The following PCBP3 variants were observed in gnomAD, a reference collection of about 807,000 sequenced individuals.
PCBP3 encodes the protein poly(rC) binding protein 3.
In PCBP3, 25 loss-of-function variants were observed where a neutral mutation model predicts 52.7. The ratio of observed to expected loss-of-function variants is 0.47; its 90% CI spans 0.35 to 0.66. The LOEUF (loss-of-function observed/expected upper bound fraction) is 0.66. Among genes scored for constraint, PCBP3 ranks in the 30% least tolerant of loss-of-function variants. The probability of loss-of-function intolerance (pLI) is 0.01; values close to 1 mark genes in which losing one functional copy is unlikely to be tolerated. For missense variants in PCBP3, 391 were observed against 490.3 expected (o/e 0.80, Z 1.91); for synonymous variants, 162 against 183.0 (o/e 0.89, Z 0.93).
chr21:45,787,004 G>A (rs1011403135), intron 4 of PCBP3, among the ~76,000 whole-genome samples: 2 of 152,184 alleles, frequency 1.3e-5, no homozygotes, highest in Admixed American at 6.5e-5. Flanking sequence ...ATTTCCAGCT[G>A]TTGACCCTTC....
At chr21:45,662,533 C>T (rs767675349) in intron 1 of PCBP3, among the ~76,000 whole-genome samples, 2 of 151,568 alleles carry the variant, frequency 1.3e-5, no homozygotes, top group Non-Finnish European at 1.5e-5. Context: ...ACTGAGGGCA[C>T]GAGCTGTTCC....
At chr21:45,795,488 A>C (rs78673990) in intron 4 of PCBP3, among the ~76,000 whole-genome samples, 2,047 of 152,290 alleles carry the variant, frequency 0.013, 65 homozygotes, top group African/African-American at 0.046. Flanking sequence ...AGCCAAAAGT[A>C]ACCCAGGCGT....
chr21:45,739,174 TCC>T (rs2086163993), intron 3 of PCBP3, among the ~76,000 whole-genome samples: 2 of 14,750 alleles, frequency 1.4e-4, no homozygotes, highest in African/African-American at 2.9e-4. Context: ...TGGGTGGCCC[TCC>T]CCCATCTTCA....
intron 2 of PCBP3, among the ~76,000 whole-genome samples, chr21:45,703,934 G>A (rs1389761107): frequency 1.3e-5 from 2 of 152,184 alleles, no homozygotes; most frequent in Non-Finnish European, 2.9e-5. Context: ...GTGGTGGATA[G>A]CAATGGAATG....
intron 2 of PCBP3, among the ~76,000 whole-genome samples, chr21:45,703,628 A>G (rs1258302674): frequency 6.6e-6 from 1 of 152,158 alleles, no homozygotes; most frequent in African/African-American, 2.4e-5. Context: ...GAGCAGAGCA[A>G]TGACATGAAT....
At chr21:45,779,639 A>G (rs9637206) in intron 4 of PCBP3, among the ~76,000 whole-genome samples, 28,658 of 152,168 alleles carry the variant, frequency 0.19, 2,903 homozygotes, top group Middle Eastern at 0.33. Flanking sequence ...AGAAATCTAA[A>G]TTGGACAAGA....
intron 6 of PCBP3, among the ~76,000 whole-genome samples, chr21:45,897,101 T>G (rs544491399): frequency 6.6e-6 from 1 of 152,346 alleles, no homozygotes; most frequent in South Asian, 2.1e-4. Flanking sequence ...TTTTTTAATC[T>G]TATTTTAAGC....
chr21:45,741,992 A>G lies in PCBP3; in HGVS notation c.-162+6563A>G, dbSNP rs181361249. On this transcript the variant is annotated intron_variant, in intron 3 of 17. Coordinates refer to ENST00000681687, the MANE Select transcript of PCBP3 (RefSeq NM_001384156.1). The surrounding 1 kb of genome is among the most constrained non-coding windows in gnomAD (Gnocchi z 4.5). ...CTTTCGTGCCCTGCTTTTTAACTGA[A>G]TAGTATTCTGCAAAGTGTTCGACCT... Among the ~76,000 whole-genome samples, 155 of 152,342 alleles carry G rather than the reference A, an allele frequency of 1.0e-3. No individual in the cohort carries two copies. Among genetic ancestry groups the G allele is most frequent in the Non-Finnish European group, 1.8e-3 (122 of 68,034 alleles).
At chr21:45,814,673 GGTGAGTGGTGA>G (rs1193475467) in intron 4 of PCBP3, among the ~76,000 whole-genome samples, 15 of 101,374 alleles carry the variant, frequency 1.5e-4, no homozygotes, top group East Asian at 3.1e-4. Context: ...AGTGATGAGT[GGTGAGTGGTGA>G]GTGAGTGGTG....
intron 2 of PCBP3, among the ~76,000 whole-genome samples, chr21:45,676,459 GTC>G (rs2081470442): frequency 6.6e-6 from 1 of 151,860 alleles, no homozygotes; most frequent in Admixed American, 6.6e-5. Flanking sequence ...CTTACTTCAT[GTC>G]TCTGTGTCAC....
At position 45,802,545 on chromosome 21, in the gene PCBP3, G is replaced by C. The variant is rs1272859822; in HGVS notation, c.-126+47093G>C. Among the ~76,000 whole-genome samples, 1 of 152,230 alleles carries C rather than the reference G, an allele frequency of 6.6e-6. No individual in the cohort carries two copies. Among genetic ancestry groups the C allele is most frequent in the African/African-American group, 2.4e-5 (1 of 41,462 alleles). On this transcript the variant is annotated intron_variant, in intron 4 of 17. Transcript: ENST00000681687. This position sits in a 1 kb window ranked among gnomAD's most constrained non-coding sequence, Gnocchi z 5.1. Reference sequence around the variant, plus strand: ...CTGAGAGCAAAAGTGAGCCATGCTGGAGAAGGGACAGGAGCCCCTGGGAGA... The same window carrying C: ...CTGAGAGCAAAAGTGAGCCATGCTGCAGAAGGGACAGGAGCCCCTGGGAGA...
intron 4 of PCBP3, among the ~76,000 whole-genome samples, chr21:45,764,283 C>T (rs2089057644): frequency 1.3e-5 from 2 of 152,108 alleles, no homozygotes; most frequent in Middle Eastern, 3.4e-3. Flanking sequence ...CCACCACGCC[C>T]GGCTAATTAT....
intron 4 of PCBP3, among the ~76,000 whole-genome samples, chr21:45,799,963 T>C (rs1276126438): frequency 6.6e-6 from 1 of 152,180 alleles, no homozygotes; most frequent in East Asian, 1.9e-4. Context: ...GGCTCTCCAA[T>C]GCCTGGTTGC....
chr21:45,680,530 A>G (rs1569109748), intron 2 of PCBP3, among the ~76,000 whole-genome samples: 1 of 152,210 alleles, frequency 6.6e-6, no homozygotes, highest in Non-Finnish European at 1.5e-5. Flanking sequence ...TACAAAAATA[A>G]AATGAATTTT....
At chr21:45,644,523 C>A (rs537944102) in intron 1 of PCBP3, among the ~76,000 whole-genome samples, 193 of 147,842 alleles carry the variant, frequency 1.3e-3, no homozygotes, top group African/African-American at 4.7e-3. Flanking sequence ...CTTTTTTTTG[C>A]CTGGTGATGT....
At chr21:45,849,930 G>A (rs186849566) in intron 4 of PCBP3, 31 bp from the exon 5 acceptor site, 41 of 700,282 alleles carry the variant, frequency 5.9e-5, no homozygotes, top group Non-Finnish European at 9.1e-5. Context: ...GCACTGGTGC[G>A]CTCACACAGC....
At chr21:45,890,264 A>T (rs989879872) in intron 5 of PCBP3, among the ~76,000 whole-genome samples, 6 of 152,262 alleles carry the variant, frequency 3.9e-5, no homozygotes, top group African/African-American at 1.4e-4. Flanking sequence ...TGAACAGACC[A>T]GCTGTTGGCG....
chr21:45,657,638 T>C (rs2146977290), intron 1 of PCBP3, among the ~76,000 whole-genome samples: 1 of 152,128 alleles, frequency 6.6e-6, no homozygotes, highest in South Asian at 2.1e-4. Context: ...CCCTTGCATT[T>C]TCATATGATT....
chr21:45,910,837 C>A (rs751770095), intron 10 of PCBP3, 65 bp from the exon 11 acceptor site: 1 of 1,506,248 alleles, frequency 6.6e-7, no homozygotes, highest in Non-Finnish European at 8.9e-7. Context: ...TGCCGAGACT[C>A]GGGAGGTACT....
Sources: allele counts gnomAD v4.1 joint callset (sites outside exome capture counted in the v4.1 genomes callset), GRCh38; gene constraint gnomAD v4.1.1; non-coding constraint Gnocchi (gnomAD v3.1); transcripts MANE v1.5; gene names NCBI Gene and HGNC (gene_info 2026-07-23, HGNC 2026-07-21).